Variants in PAX7 observed in about 807,000 individuals in gnomAD.
PAX7 encodes paired box protein Pax-7.
PAX7 carries 18 observed loss-of-function variants against 50.7 expected under a neutral mutation model. The ratio of observed to expected loss-of-function variants is 0.36; its 90% CI spans 0.25 to 0.53. The LOEUF (loss-of-function observed/expected upper bound fraction) is 0.53. PAX7 is among the 20% of genes least tolerant of loss of function. The pLI is 0.93. For missense variants in PAX7, 644 were observed against 702.9 expected (o/e 0.92, Z 0.95); for synonymous variants, 310 against 290.4 (o/e 1.07, Z -0.69).
In PAX7 at chr1:18,632,836, G is replaced by C. The variant is rs916174985; in HGVS notation, c.85+1148G>C. 1.3e-5 allele frequency among the ~76,000 whole-genome samples: 2 copies of C among 152,196 alleles called. No homozygotes were observed. The highest frequency in any genetic ancestry group is 1.5e-5 in the Non-Finnish European group (1 of 68,036). On this transcript the variant is annotated intron_variant, in intron 1 of 8. Transcript: ENST00000420770. The surrounding 1 kb of genome is among the most constrained non-coding windows in gnomAD (Gnocchi z 6.3). Reference sequence around the variant, plus strand: ...GCGGCTCCGTGATCAAGTGCGCGCCGGCAGCCACGCAGGCGGGAGAGCGCG... The same window carrying C: ...GCGGCTCCGTGATCAAGTGCGCGCCCGCAGCCACGCAGGCGGGAGAGCGCG...
intron 4 of PAX7, among the ~76,000 whole-genome samples, chr1:18,646,972 G>T (rs2088351797): frequency 6.9e-6 from 1 of 145,744 alleles, no homozygotes; most frequent in Admixed American, 6.7e-5. Flanking sequence ...GAGCCCGGGG[G>T]TGGGGTGGGG....
In PAX7 at chr1:18,726,813, T is replaced by C. The variant is rs979013963; in HGVS notation, c.1156-8819T>C. ...CAGACAGAGCCGGCCTCATGAGTCTTTCCAAGTCTGTATATCAAGCTGCAC... is the reference window on the plus strand; with the variant it reads ...CAGACAGAGCCGGCCTCATGAGTCTCTCCAAGTCTGTATATCAAGCTGCAC... On this transcript the variant is annotated intron_variant, in intron 7 of 8. Transcript: ENST00000420770. This position sits in a 1 kb window ranked among gnomAD's most constrained non-coding sequence, Gnocchi z 4.8. Among the ~76,000 whole-genome samples the C allele has an allele frequency of 6.6e-6, 1 of 152,190 alleles. No individual in the cohort carries two copies. The highest frequency in any genetic ancestry group is 1.5e-5 in the Non-Finnish European group (1 of 68,032).
intron 7 of PAX7, among the ~76,000 whole-genome samples, chr1:18,725,873 G>A (rs977220105): frequency 2.0e-5 from 3 of 152,330 alleles, no homozygotes; most frequent in Non-Finnish European, 1.5e-5. Context: ...CCAACCCAAG[G>A]ATCTGCCCTG....
intron 4 of PAX7, among the ~76,000 whole-genome samples, chr1:18,658,559 T>C (rs1294485635): frequency 6.6e-6 from 1 of 152,216 alleles, no homozygotes; most frequent in Non-Finnish European, 1.5e-5. Flanking sequence ...GGGAATCATC[T>C]GGGATGCAAC....
chr1:18,658,731 G>T (rs2088559178), intron 4 of PAX7, among the ~76,000 whole-genome samples: 1 of 152,240 alleles, frequency 6.6e-6, no homozygotes, highest in African/African-American at 2.4e-5. Context: ...CTGCAAGGAA[G>T]GTTTGCTGGT....
intron 4 of PAX7, among the ~76,000 whole-genome samples, chr1:18,682,528 G>A (rs927240181): frequency 6.6e-6 from 1 of 152,174 alleles, no homozygotes; most frequent in Non-Finnish European, 1.5e-5. Flanking sequence ...TCTTCCCAGT[G>A]GAGAACTGGG....
chr1:18,730,084 G>A (rs2089628294), intron 7 of PAX7, among the ~76,000 whole-genome samples: 1 of 152,132 alleles, frequency 6.6e-6, no homozygotes, highest in South Asian at 2.1e-4. Context: ...AAAAGGAAGG[G>A]GAGGGGGACA....
At chr1:18,724,987 G>A (rs574574870) in intron 7 of PAX7, among the ~76,000 whole-genome samples, 12 of 152,194 alleles carry the variant, frequency 7.9e-5, no homozygotes, top group Non-Finnish European at 8.8e-5. Context: ...CTGGCAGTCC[G>A]CCTGCACAAA....
chr1:18,690,791 G>T (rs939350690), intron 4 of PAX7, among the ~76,000 whole-genome samples: 1 of 152,238 alleles, frequency 6.6e-6, no homozygotes, highest in Non-Finnish European at 1.5e-5. Flanking sequence ...TAGCCTGGGG[G>T]AATCACTCAG....
intron 7 of PAX7, among the ~76,000 whole-genome samples, chr1:18,719,694 T>A (rs851124): frequency 6.6e-6 from 1 of 152,072 alleles, no homozygotes. Context: ...TGACCTCTGC[T>A]GGCCCTGGAA....
chr1:18,721,655 C>A (rs1349595685), intron 7 of PAX7, among the ~76,000 whole-genome samples: 3 of 152,212 alleles, frequency 2.0e-5, no homozygotes, highest in Non-Finnish European at 4.4e-5. Context: ...CTCTGGGGAG[C>A]CCCACACACT....
At position 18,634,414 on chromosome 1, in the gene PAX7, G is replaced by T; in HGVS notation, c.197G>T (p.Gly66Val). Reference protein sequence around the residue: ...RHKIVEMAHHGIRPCVISRQL... With the variant: ...RHKIVEMAHHVIRPCVISRQL... ...AAGATAGTGGAGATGGCCCACCATG[G>T]CATCCGGCCCTGTGTCATCTCCCGA... Residue 66 changes from glycine (G) to valine (V), a missense_variant, in exon 2 of 9, where the codon GGC (glycine) becomes GTC (valine). Gly to Val is a moderately radical substitution (Grantham distance 109). Transcript: ENST00000420770. The surrounding 1 kb of genome is among the most constrained non-coding windows in gnomAD (Gnocchi z 4.0). 1.2e-6 allele frequency: 2 copies of T among 1,614,206 alleles called. No individual in the cohort carries two copies. The highest frequency in any genetic ancestry group is 1.7e-6 in the Non-Finnish European group (2 of 1,180,042).
In PAX7 at chr1:18,745,600, C is replaced by G. The variant is rs923367449; in HGVS notation, c.*671C>G. The G allele has an allele frequency of 2.2e-5, 5 of 230,704 alleles. No individual in the cohort carries two copies. Among genetic ancestry groups the G allele is most frequent in the Non-Finnish European group, 4.3e-5 (5 of 116,582 alleles). 14.3% of individuals were successfully genotyped at this position (230,704 alleles called of 1,614,324 possible). A position where few individuals can be genotyped will look rare whatever the true frequency, so the allele number is the denominator to read the frequency against. Reference sequence around the variant, plus strand: ...GGGAAATCTAGCACAGGCAGGGAGACTGGGGAGACCAGGAAGAGGCTTAAC... The same window carrying G: ...GGGAAATCTAGCACAGGCAGGGAGAGTGGGGAGACCAGGAAGAGGCTTAAC... On this transcript the variant is annotated 3_prime_UTR_variant, in exon 9 of 9. Transcript: ENST00000420770.
chr1:18,662,556 G>GTTTA (rs747166686), intron 4 of PAX7, among the ~76,000 whole-genome samples: 2 of 150,430 alleles, frequency 1.3e-5, no homozygotes, highest in Non-Finnish European at 3.0e-5. Flanking sequence ...CTAGTTTTTT[G>GTTTA]TTTGTTTGTT....
At chr1:18,633,204 C>T (rs1361088267) in intron 1 of PAX7, among the ~76,000 whole-genome samples, 8 of 152,166 alleles carry the variant, frequency 5.3e-5, no homozygotes, top group Admixed American at 4.6e-4. Context: ...AGCAGCGGAG[C>T]CTCTTCTCGC....
At chr1:18,635,816 G>T (rs1185505671) in intron 3 of PAX7, among the ~76,000 whole-genome samples, 1 of 150,958 alleles carries the variant, frequency 6.6e-6, no homozygotes, top group Non-Finnish European at 1.5e-5. Context: ...GTGTGTGTGT[G>T]TGTATGTGTG....
chr1:18,718,584 C>T (rs972933348), intron 7 of PAX7, among the ~76,000 whole-genome samples: 3 of 151,954 alleles, frequency 2.0e-5, no homozygotes, highest in Admixed American at 6.6e-5. Context: ...TTGAAGGCCT[C>T]CCTAACCTCA....
chr1:18,747,011 A>C lies in PAX7; in HGVS notation c.*2082A>C. 4.3e-6 allele frequency: 1 copy of C among 231,202 alleles called. No homozygotes were observed. Among genetic ancestry groups the C allele is most frequent in the Middle Eastern group, 1.3e-3 (1 of 770 alleles). 14.3% of individuals were successfully genotyped at this position (231,202 alleles called of 1,614,324 possible). A position where few individuals can be genotyped will look rare whatever the true frequency, so the allele number is the denominator to read the frequency against. ...CTTTGGCTCTTCAAGCTCGGGACAA[A>C]AAAGAAGACTCTGTTGTCCCTTGGT... On this transcript the variant is annotated 3_prime_UTR_variant, in exon 9 of 9. Coordinates refer to ENST00000420770, the MANE Select transcript of PAX7 (RefSeq NM_001135254.2).
chr1:18,736,889 T>C (rs1056177262), intron 8 of PAX7, among the ~76,000 whole-genome samples: 9 of 152,240 alleles, frequency 5.9e-5, no homozygotes, highest in African/African-American at 2.2e-4. Flanking sequence ...TCAGCAGCCA[T>C]GTGCTGCTGG....
Sources: allele counts gnomAD v4.1 joint callset (sites outside exome capture counted in the v4.1 genomes callset), GRCh38; gene constraint gnomAD v4.1.1; non-coding constraint Gnocchi (gnomAD v3.1); transcripts MANE v1.5; gene names NCBI Gene and HGNC (gene_info 2026-07-23, HGNC 2026-07-21).